The following BAIAP2L1 variants were observed in gnomAD, a reference collection of about 807,000 sequenced individuals.
BAIAP2L1 encodes BAR/IMD domain-containing adapter protein 2-like 1.
In BAIAP2L1, 35 loss-of-function variants were observed where a neutral mutation model predicts 66.3. That is an observed-to-expected ratio of 0.53 (90% confidence interval 0.40 to 0.70). BAIAP2L1 has a LOEUF of 0.70. Ranked by LOEUF, BAIAP2L1 falls within the 30% of genes least tolerant of loss-of-function variation. The pLI, the probability that BAIAP2L1 is intolerant of heterozygous loss-of-function variation, is 0.00. For missense variants in BAIAP2L1, 622 were observed against 656.9 expected (o/e 0.95, Z 0.58); for synonymous variants, 269 against 248.7 (o/e 1.08, Z -0.77).
At chr7:98,312,039 G>C (rs1800892071) in intron 8 of BAIAP2L1, 58 bp downstream of exon 8, 4 of 1,511,188 alleles carry the variant, frequency 2.6e-6, no homozygotes. Context: ...GGCAAATTTG[G>C]CCCAGATCAA....
In BAIAP2L1 at chr7:98,386,306, A is replaced by C. The variant is rs1334757563; in HGVS notation, c.51+14496T>G. The C allele has an allele frequency of 6.9e-6, 11 of 1,595,890 alleles. No homozygotes were observed. The South Asian group carries it at 1.1e-4, about 16-fold the overall frequency. On this transcript the variant is annotated intron_variant, in intron 1 of 13. Transcript: ENST00000005260. ...ATGCCATGGAAGTTAGGCAGTTTTT[A>C]CCCTGAACATCTTCAGTAATCAGCC...
chr7:98,321,362 C>T (rs1167779364), intron 3 of BAIAP2L1, among the ~76,000 whole-genome samples: 1 of 152,126 alleles, frequency 6.6e-6, no homozygotes, highest in Non-Finnish European at 1.5e-5. Flanking sequence ...TTTTTTCTCA[C>T]GTTAGTTCTT....
rs921465893 is a variant in BAIAP2L1, at chr7:98,310,171, T to C, written c.955+274A>G. The C allele has an allele frequency of 2.0e-5, 7 of 355,640 alleles. No homozygotes were observed. The Admixed American group carries it at 3.2e-4, about 16-fold the overall frequency. The allele number at this position is 355,640 out of a possible 1,614,324, so 22.0% of individuals were successfully genotyped here. A position where few individuals can be genotyped will look rare whatever the true frequency, so the allele number is the denominator to read the frequency against. The stretch of plus-strand genomic sequence containing the variant: ...TGGCCTCCATTTATTTGTAAATAGA[T>C]AATTCTCAACAGTATGTTTACTCTG... On this transcript the variant is annotated intron_variant, in intron 9 of 13. Coordinates refer to ENST00000005260, the MANE Select transcript of BAIAP2L1 (RefSeq NM_018842.5).
chr7:98,315,921 G>T (rs933238588), intron 6 of BAIAP2L1, among the ~76,000 whole-genome samples: 1 of 152,148 alleles, frequency 6.6e-6, no homozygotes. Context: ...ACGGGCTTTG[G>T]AACCAGAAAG....
At chr7:98,323,730 T>C (rs865946378) in intron 3 of BAIAP2L1, among the ~76,000 whole-genome samples, 16 of 152,334 alleles carry the variant, frequency 1.1e-4, no homozygotes, top group Middle Eastern at 3.4e-3. Context: ...ACACCTGGCC[T>C]TGTTATTCCT....
chr7:98,315,637 T>TAATAAG (rs1273210314), intron 6 of BAIAP2L1, 25 bp from the exon 7 acceptor site: 1 of 1,083,040 alleles, frequency 9.2e-7, no homozygotes. Flanking sequence ...ATAATAATAA[T>TAATAAG]AATAATTATA....
intron 1 of BAIAP2L1, among the ~76,000 whole-genome samples, chr7:98,382,162 TC>T (rs1356465327): frequency 1.3e-5 from 2 of 152,024 alleles, no homozygotes; most frequent in Non-Finnish European, 2.9e-5. Flanking sequence ...GACCTCGTGA[TC>T]CGCCTGCCTC....
At chr7:98,357,022 T>TAA (rs1802143769) in intron 2 of BAIAP2L1, among the ~76,000 whole-genome samples, 2 of 13,766 alleles carry the variant, frequency 1.5e-4, no homozygotes, top group Non-Finnish European at 2.3e-4. Flanking sequence ...AAAAAAAAAA[T>TAA]ATATATATAT....
chr7:98,381,499 G>A (rs3801254), intron 1 of BAIAP2L1, among the ~76,000 whole-genome samples: 57,772 of 152,074 alleles, frequency 0.38, 12,468 homozygotes, highest in Middle Eastern at 0.54. Flanking sequence ...TCCACTGGGC[G>A]TGCAGGTACA....
intron 3 of BAIAP2L1, among the ~76,000 whole-genome samples, chr7:98,336,653 T>C (rs887994300): frequency 6.6e-6 from 1 of 152,186 alleles, no homozygotes; most frequent in Non-Finnish European, 1.5e-5. Context: ...AATATATCAT[T>C]CTCTTACATG....
chr7:98,392,193 C>T (rs1312995732), intron 1 of BAIAP2L1, among the ~76,000 whole-genome samples: 7 of 146,022 alleles, frequency 4.8e-5, no homozygotes, highest in African/African-American at 1.7e-4. Context: ...AAAAAGTCTA[C>T]CTTAGCTGGG....
At position 98,385,727 on chromosome 7, in the gene BAIAP2L1, T is replaced by C. The variant is rs1039601389; in HGVS notation, c.51+15075A>G. ...CCACACCCAGCCAGGAATCAACATT[T>C]CTTTTTTTTGTTGTTTTTTTTTTCA... On this transcript the variant is annotated intron_variant, in intron 1 of 13. Coordinates refer to ENST00000005260, the MANE Select transcript of BAIAP2L1 (RefSeq NM_018842.5). 3.3e-6 allele frequency: 4 copies of C among 1,203,322 alleles called. No homozygotes were observed. The African/African-American group carries it at 6.5e-5, about 20-fold the overall frequency. 74.5% of individuals were successfully genotyped at this position (1,203,322 alleles called of 1,614,324 possible).
At chr7:98,374,274 T>C (rs1164756324) in intron 1 of BAIAP2L1, among the ~76,000 whole-genome samples, 1 of 152,190 alleles carries the variant, frequency 6.6e-6, no homozygotes, top group Non-Finnish European at 1.5e-5. Context: ...CATTAATTTT[T>C]TCCATTTGAG....
At chr7:98,328,489 A>G (rs777146389) in intron 3 of BAIAP2L1, among the ~76,000 whole-genome samples, 1 of 152,054 alleles carries the variant, frequency 6.6e-6, no homozygotes, top group Non-Finnish European at 1.5e-5. Flanking sequence ...TTCGGTGGGT[A>G]CTGTGCTTTC....
chr7:98,310,743 G>C, intron 8 of BAIAP2L1, 151 bp from the exon 9 acceptor site: 1 of 605,520 alleles, frequency 1.7e-6, no homozygotes, highest in Non-Finnish European at 2.6e-6. Context: ...CTGGAGTACA[G>C]TGGCACGATC....
rs542232151 is a variant in BAIAP2L1 at position 98,377,670 on chromosome 7, T to C, written c.52-15238A>G. On this transcript the variant is annotated intron_variant, in intron 1 of 13. Coordinates refer to ENST00000005260, the MANE Select transcript of BAIAP2L1 (RefSeq NM_018842.5). ...CCCATTTCTATTAAATATACAAAAT[T>C]AGCTGGGTGTGGTGGCACGCGCCTG... Among the ~76,000 whole-genome samples, 11 of 149,768 alleles carry C rather than the reference T, an allele frequency of 7.3e-5. No individual in the cohort carries two copies. The East Asian group carries it at 2.2e-3, about 30-fold the overall frequency.
intron 1 of BAIAP2L1, among the ~76,000 whole-genome samples, chr7:98,398,318 A>C (rs1803266031): frequency 6.6e-6 from 1 of 152,186 alleles, no homozygotes; most frequent in African/African-American, 2.4e-5. Context: ...GATAGGGGGA[A>C]GAACCCAATA....
At chr7:98,315,092 A>AGGTGAG (rs1801023994) in intron 7 of BAIAP2L1, among the ~76,000 whole-genome samples, 1 of 152,180 alleles carries the variant, frequency 6.6e-6, no homozygotes, top group African/African-American at 2.4e-5. Context: ...CATGTGTGGA[A>AGGTGAG]GGTGAGTGGC....
At chr7:98,342,042 T>A (rs1234472296) in intron 3 of BAIAP2L1, among the ~76,000 whole-genome samples, 1 of 6,826 alleles carries the variant, frequency 1.5e-4, no homozygotes, top group Non-Finnish European at 4.4e-4. Flanking sequence ...TTTTTTCTGA[T>A]TTTTTTTTTT....
Sources: gnomAD v4.1 joint callset for allele counts (sites outside exome capture counted in the v4.1 genomes callset) on GRCh38, gnomAD v4.1.1 for gene constraint, MANE v1.5 for transcripts, NCBI Gene and HGNC (gene_info 2026-07-23, HGNC 2026-07-21) for gene names.